Variants in THRB observed in about 807,000 individuals in gnomAD.
THRB encodes thyroid hormone receptor beta, also known as nuclear receptor subfamily 1 group A member 2.
A neutral mutation model predicts 47.8 loss-of-function variants in THRB; 12 were observed. The ratio of observed to expected loss-of-function variants is 0.25; its 90% CI spans 0.16 to 0.41. The LOEUF is 0.41. Ranked by LOEUF, THRB falls within the 10% of genes least tolerant of loss-of-function variation. THRB has a pLI of 1.00. For synonymous variants in THRB, 218 were observed against 212.2 expected, an observed-to-expected ratio of 1.03 and a Z score of -0.24; for missense variants, 348 against 589.2, an observed-to-expected ratio of 0.59 and a Z score of 4.24.
Position 24,259,165 on chromosome 3 carries a change from G to A in THRB, c.-42-30164C>T, listed in dbSNP as rs188088856. Among the ~76,000 whole-genome samples the A allele has an allele frequency of 9.2e-5, 14 of 152,170 alleles. No homozygotes were observed. The East Asian group carries it at 2.1e-3, about 23-fold the overall frequency. On this transcript the variant is annotated intron_variant, in intron 3 of 10. Transcript: ENST00000646209. ...CAGTCTCGACAGAATTTATTTTCAG[G>A]TGCTGCAAGGCAAGACTCTACATGG... is the stretch of plus-strand genomic sequence containing the variant.
At chr3:24,254,069 A>T (rs1465229026) in intron 3 of THRB, among the ~76,000 whole-genome samples, 1 of 151,584 alleles carries the variant, frequency 6.6e-6, no homozygotes. Context: ...TTTTTCTAAA[A>T]ATCAGATTTA....
chr3:24,384,046 G>T (rs1018850976), intron 1 of THRB, among the ~76,000 whole-genome samples: 1 of 152,016 alleles, frequency 6.6e-6, no homozygotes, highest in Admixed American at 6.6e-5. Flanking sequence ...AGTATCTTTT[G>T]GTTACCTTTT....
intron 1 of THRB, among the ~76,000 whole-genome samples, chr3:24,467,544 T>C (rs2074253166): frequency 6.6e-6 from 1 of 152,250 alleles, no homozygotes; most frequent in Non-Finnish European, 1.5e-5. Flanking sequence ...TACTCTTTGA[T>C]CCATAGGCTT....
intron 2 of THRB, among the ~76,000 whole-genome samples, chr3:24,335,991 C>T (rs1229768227): frequency 6.6e-6 from 1 of 152,152 alleles, no homozygotes; most frequent in African/African-American, 2.4e-5. Flanking sequence ...GAACAGCTGT[C>T]CTTTTCCATG....
At chr3:24,459,386 C>T (rs144803782) in intron 1 of THRB, 99 of 152,276 alleles carry the variant, frequency 6.5e-4, no homozygotes, top group African/African-American at 2.4e-3. Flanking sequence ...CGGTTGGTTC[C>T]AAGTCTTTGC....
intron 5 of THRB, among the ~76,000 whole-genome samples, chr3:24,187,169 T>C (rs184124245): frequency 2.0e-5 from 3 of 152,254 alleles, no homozygotes; most frequent in Non-Finnish European, 2.9e-5. Context: ...AGTTTGACAA[T>C]CCCCAACTAA....
chr3:24,390,895 C>T (rs2066520045), intron 1 of THRB, among the ~76,000 whole-genome samples: 1 of 151,726 alleles, frequency 6.6e-6, no homozygotes. Context: ...ATGAATAACT[C>T]ACATCTTGGG....
intron 3 of THRB, among the ~76,000 whole-genome samples, chr3:24,229,856 C>G (rs1181477595): frequency 6.6e-6 from 1 of 152,130 alleles, no homozygotes; most frequent in African/African-American, 2.4e-5. Context: ...AGCACTGAAG[C>G]CTGAGGCATG....
At chr3:24,471,936 C>T (rs1167844065) in intron 1 of THRB, among the ~76,000 whole-genome samples, 1 of 152,170 alleles carries the variant, frequency 6.6e-6, no homozygotes, top group African/African-American at 2.4e-5. Context: ...TCTTTCCTGT[C>T]CCCACAACCA....
At chr3:24,373,065 A>G (rs941989639) in intron 1 of THRB, among the ~76,000 whole-genome samples, 12 of 152,088 alleles carry the variant, frequency 7.9e-5, no homozygotes, top group African/African-American at 2.7e-4. Flanking sequence ...GCAAATGTGA[A>G]TTAAAACCCT....
intron 4 of THRB, among the ~76,000 whole-genome samples, chr3:24,203,693 C>T (rs141171025): frequency 1.5e-4 from 23 of 152,242 alleles, no homozygotes; most frequent in South Asian, 4.2e-4. Flanking sequence ...GAGTGTGAGC[C>T]GAAGCAGGGC....
chr3:24,474,874 T>C (rs1421665042), intron 1 of THRB, among the ~76,000 whole-genome samples: 1 of 152,190 alleles, frequency 6.6e-6, no homozygotes, highest in Non-Finnish European at 1.5e-5. Context: ...AATACTTGCT[T>C]TTCTTACTAA....
At chr3:24,265,532 C>G (rs1478397192) in intron 3 of THRB, among the ~76,000 whole-genome samples, 1 of 152,086 alleles carries the variant, frequency 6.6e-6, no homozygotes, top group African/African-American at 2.4e-5. Flanking sequence ...TTCTCTTTAT[C>G]TACTTATATG....
chr3:24,328,752 A>T (rs771870501), intron 2 of THRB, among the ~76,000 whole-genome samples: 22 of 152,216 alleles, frequency 1.4e-4, no homozygotes, highest in Non-Finnish European at 2.5e-4. Flanking sequence ...ACTGTGGCCA[A>T]TCTTACCTCC....
chr3:24,469,072 T>C (rs370930882), intron 1 of THRB, among the ~76,000 whole-genome samples: 1 of 152,140 alleles, frequency 6.6e-6, no homozygotes, highest in Middle Eastern at 3.2e-3. Flanking sequence ...AGCTGACTAC[T>C]ACTAATTCTT....
intron 4 of THRB, among the ~76,000 whole-genome samples, chr3:24,223,353 C>G (rs1380669560): frequency 6.6e-6 from 1 of 152,188 alleles, no homozygotes; most frequent in Non-Finnish European, 1.5e-5. Context: ...AGTGCTAACA[C>G]ATTCCAAAGA....
intron 1 of THRB, among the ~76,000 whole-genome samples, chr3:24,381,161 TA>T (rs2065682744): frequency 7.2e-6 from 1 of 138,620 alleles, no homozygotes; most frequent in South Asian, 2.4e-4. Context: ...GTAAAATGAA[TA>T]AAAATGTCAA....
intron 4 of THRB, among the ~76,000 whole-genome samples, chr3:24,218,235 T>G (rs1472049677): frequency 6.7e-6 from 1 of 150,162 alleles, no homozygotes; most frequent in Non-Finnish European, 1.5e-5. Flanking sequence ...GCCACTGCAC[T>G]CCAGCCTGGG....
chr3:24,269,403 GCACACACACACACACACA>G (rs200586026), intron 3 of THRB, among the ~76,000 whole-genome samples: 6 of 72,682 alleles, frequency 8.3e-5, no homozygotes, highest in African/African-American at 2.2e-4. Context: ...GCGCGCGCGC[GCACACACACACACACACA>G]CACACACACA....
Sources: gnomAD v4.1 joint callset for allele counts (sites outside exome capture counted in the v4.1 genomes callset) on GRCh38, gnomAD v4.1.1 for gene constraint, MANE v1.5 for transcripts, NCBI Gene and HGNC (gene_info 2026-07-23, HGNC 2026-07-21) for gene names.